CENPW: variants seen among roughly 807,000 people sequenced by gnomAD.
CENPW encodes cancer-up-regulated gene 2 protein.
A neutral mutation model predicts 11.1 loss-of-function variants in CENPW; 3 were observed. The ratio of observed to expected loss-of-function variants is 0.27; its 90% CI spans 0.12 to 0.70. CENPW has a LOEUF of 0.70. CENPW is among the 30% of genes least tolerant of loss of function. CENPW has a pLI of 0.77. For synonymous variants in CENPW, 38 were observed against 42.0 expected (o/e 0.91, Z 0.37); for missense variants, 100 against 105.6 (o/e 0.95, Z 0.23).
the CENPW span, among the ~76,000 whole-genome samples, chr6:126,399,412 C>A: frequency 2.7e-4 from 41 of 152,124 alleles, no homozygotes; most frequent in Admixed American, 1.3e-3. Flanking sequence ...TAGTATTTCA[C>A]CAGGTATTGA....
downstream of CENPW, among the ~76,000 whole-genome samples, chr6:126,353,184 G>T: frequency 6.7e-6 from 1 of 149,398 alleles, no homozygotes; most frequent in African/African-American, 2.5e-5. Flanking sequence ...CGTTTTCTTT[G>T]CTGATCATTT....
In CENPW at chr6:126,348,482, G is replaced by A; in HGVS notation, c.257G>A (p.Ser86Asn). ...LAAAKVILKKSRG is the reference protein window; with the variant it reads ...LAAAKVILKKNRG ...CTCTTACAGGTAATTCTAAAGAAGA[G>A]CAGAGGTTAGAAGTCAAAGAACATA... is the stretch of plus-strand genomic sequence containing the variant. Residue 86 changes from serine (S) to asparagine (N), a missense_variant, in exon 3 of 3, where the codon AGC becomes AAC. Ser to Asn is a conservative substitution (Grantham distance 46, BLOSUM62 1). Coordinates refer to ENST00000368328, the MANE Select transcript of CENPW (RefSeq NM_001012507.4). 7.0e-7 allele frequency: 1 copy of A among 1,431,516 alleles called. No individual in the cohort carries two copies. The highest frequency in any genetic ancestry group is 9.8e-7 in the Non-Finnish European group (1 of 1,016,720). 88.7% of individuals were successfully genotyped at this position (1,431,516 alleles called of 1,614,324 possible).
the CENPW span, among the ~76,000 whole-genome samples, chr6:126,458,133 C>T: frequency 6.6e-6 from 1 of 151,208 alleles, no homozygotes; most frequent in Non-Finnish European, 1.5e-5. Flanking sequence ...GGCTTTCTTT[C>T]GCTTGTTTTA....
chr6:126,358,042 A>G, the CENPW span, among the ~76,000 whole-genome samples: 4 of 152,122 alleles, frequency 2.6e-5, no homozygotes, highest in African/African-American at 4.8e-5. Flanking sequence ...TAGAATTGCT[A>G]TTGAATTTTG....
chr6:126,393,398 T>C, the CENPW span, among the ~76,000 whole-genome samples: 1 of 151,744 alleles, frequency 6.6e-6, no homozygotes, highest in Non-Finnish European at 1.5e-5. Context: ...GTTTTTCTTC[T>C]TTTTTGATGT....
chr6:126,385,718 G>C, the CENPW span, among the ~76,000 whole-genome samples: 2 of 151,968 alleles, frequency 1.3e-5, no homozygotes, highest in Non-Finnish European at 2.9e-5. Flanking sequence ...TTTGATAAGG[G>C]GCTCTTCCCC....
the CENPW span, among the ~76,000 whole-genome samples, chr6:126,365,562 C>T: frequency 6.6e-5 from 10 of 152,218 alleles, no homozygotes; most frequent in South Asian, 2.1e-4. Flanking sequence ...CCCTCTGAAC[C>T]GATCACCTTC....
downstream of CENPW, among the ~76,000 whole-genome samples, chr6:126,352,399 A>G (rs1286968497): frequency 6.6e-6 from 1 of 152,140 alleles, no homozygotes; most frequent in African/African-American, 2.4e-5. Flanking sequence ...CTTTTTATTT[A>G]TATTAGCTAC....
the CENPW span, among the ~76,000 whole-genome samples, chr6:126,472,109 T>C: frequency 6.6e-6 from 1 of 152,208 alleles, no homozygotes; most frequent in African/African-American, 2.4e-5. Flanking sequence ...TTCGCCAATA[T>C]TATTTAACCT....
At chr6:126,352,239 A>G (rs1260717701), downstream of CENPW, among the ~76,000 whole-genome samples, 1 of 152,146 alleles carries the variant, frequency 6.6e-6, no homozygotes, top group Non-Finnish European at 1.5e-5. Flanking sequence ...TGCAGCAAAT[A>G]CTGTGTCCTG....
chr6:126,369,296 C>T, the CENPW span, among the ~76,000 whole-genome samples: 1 of 152,120 alleles, frequency 6.6e-6, no homozygotes, highest in African/African-American at 2.4e-5. Context: ...CTTCTGGGAC[C>T]CAGTAGTGAG....
At chr6:126,363,600 C>T in the CENPW span, among the ~76,000 whole-genome samples, 1 of 152,162 alleles carries the variant, frequency 6.6e-6, no homozygotes, top group South Asian at 2.1e-4. Context: ...TTCTCTTTCT[C>T]ATCATGGTAT....
chr6:126,378,028 C>T, the CENPW span, among the ~76,000 whole-genome samples: 5 of 152,200 alleles, frequency 3.3e-5, no homozygotes, highest in African/African-American at 1.2e-4. Context: ...AGGGGACGCT[C>T]TCGCATCTTT....
At chr6:126,449,283 A>G in the CENPW span, among the ~76,000 whole-genome samples, 1 of 151,096 alleles carries the variant, frequency 6.6e-6, no homozygotes, top group Non-Finnish European at 1.5e-5. Flanking sequence ...CTACCTTGTA[A>G]TGTAATTACT....
At chr6:126,348,396 C>CT (rs35907329) in intron 2 of CENPW, 70 bp from the exon 3 acceptor site, 2 of 895,596 alleles carry the variant, frequency 2.2e-6, no homozygotes, top group Admixed American at 1.9e-5. Flanking sequence ...GACTATTTAA[C>CT]TTTTTGTTAA....
chr6:126,411,408 C>T, the CENPW span, among the ~76,000 whole-genome samples: 2 of 152,146 alleles, frequency 1.3e-5, no homozygotes, highest in African/African-American at 4.8e-5. Context: ...CTCCTAATGA[C>T]AGGTCTGAAT....
At chr6:126,467,450 C>A in the CENPW span, among the ~76,000 whole-genome samples, 2 of 152,142 alleles carry the variant, frequency 1.3e-5, no homozygotes, top group South Asian at 2.1e-4. Context: ...AAATGCTAAA[C>A]AAACTAAAAA....
At chr6:126,458,400 A>T in the CENPW span, among the ~76,000 whole-genome samples, 3 of 151,268 alleles carry the variant, frequency 2.0e-5, no homozygotes, top group Non-Finnish European at 4.4e-5. Flanking sequence ...AAACCACAGC[A>T]TTTCTTCTTC....
chr6:126,343,117 C>T (rs1780344724), intron 1 of CENPW, among the ~76,000 whole-genome samples: 1 of 152,156 alleles, frequency 6.6e-6, no homozygotes. Flanking sequence ...TCAACTGAGA[C>T]TGTCAAGAAG....
Sources: gnomAD v4.1 joint callset for allele counts (sites outside exome capture counted in the v4.1 genomes callset) on GRCh38, gnomAD v4.1.1 for gene constraint, MANE v1.5 for transcripts, NCBI Gene and HGNC (gene_info 2026-07-23, HGNC 2026-07-21) for gene names.